Variants in LYPD6B observed in about 807,000 individuals in gnomAD.
LYPD6B encodes the protein LY6/PLAUR domain containing 6B.
In LYPD6B, 17 loss-of-function variants were observed where a neutral mutation model predicts 22.8. The ratio of observed to expected loss-of-function variants is 0.75; its 90% CI spans 0.51 to 1.12. The LOEUF (loss-of-function observed/expected upper bound fraction) is 1.12. Among genes scored for constraint, LYPD6B ranks in the 50% most tolerant of loss-of-function variants. LYPD6B has a pLI of 0.00. For missense variants in LYPD6B, 221 were observed against 258.3 expected (o/e 0.86, Z 0.99); for synonymous variants, 106 against 91.6 (o/e 1.16, Z -0.90).
At chr2:149,078,880 T>C (rs1684994586) in intron 1 of LYPD6B, among the ~76,000 whole-genome samples, 2 of 152,028 alleles carry the variant, frequency 1.3e-5, no homozygotes, top group African/African-American at 4.8e-5. Flanking sequence ...TGGTAGCTTG[T>C]GTCTGTAGTC....
chr2:149,178,465 A>G (rs748506149), intron 3 of LYPD6B, among the ~76,000 whole-genome samples: 4 of 152,018 alleles, frequency 2.6e-5, no homozygotes, highest in African/African-American at 7.2e-5. Context: ...CTACCTGAAC[A>G]TTCTGTCCTT....
intron 2 of LYPD6B, among the ~76,000 whole-genome samples, chr2:149,155,060 C>G (rs1279474493): frequency 6.6e-6 from 1 of 152,136 alleles, no homozygotes; most frequent in Non-Finnish European, 1.5e-5. Context: ...GATTCTGTTA[C>G]AAAGTCACTC....
chr2:149,192,990 T>C (rs1692591712), intron 3 of LYPD6B, among the ~76,000 whole-genome samples: 1 of 152,068 alleles, frequency 6.6e-6, no homozygotes, highest in Non-Finnish European at 1.5e-5. Flanking sequence ...TCTGGAGTGA[T>C]TATTACCCAC....
chr2:149,172,218 G>T (rs1199236491), intron 3 of LYPD6B, among the ~76,000 whole-genome samples: 57 of 152,204 alleles, frequency 3.7e-4, no homozygotes, highest in Non-Finnish European at 5.9e-5. Context: ...GACCGTATGA[G>T]AATTCACTCA....
rs369363390 is a variant in LYPD6B, at chr2:149,124,683, A to G, written c.-66-6200A>G. On this transcript the variant is annotated intron_variant, in intron 1 of 6. Transcript: ENST00000409642. ...CCCATGAAAATATTAGATAGTTCAT[A>G]AATAATTTGGAACTGGCACTTAAAT... Among the ~76,000 whole-genome samples the G allele has an allele frequency of 3.3e-5, 5 of 152,328 alleles. No individual in the cohort carries two copies. In the South Asian group the frequency reaches 1.0e-3, roughly 32 times the overall value.
chr2:149,077,431 T>G (rs552106816), intron 1 of LYPD6B: 1 of 151,882 alleles, frequency 6.6e-6, no homozygotes, highest in East Asian at 1.9e-4. Context: ...TTTTTATACA[T>G]TTTGATTTTT....
intron 3 of LYPD6B, among the ~76,000 whole-genome samples, chr2:149,171,983 G>A (rs77018726): frequency 0.014 from 2,064 of 151,976 alleles, 53 homozygotes; most frequent in African/African-American, 0.047. Context: ...CTCATTTTCC[G>A]TATGCCTCTG....
intron 1 of LYPD6B, among the ~76,000 whole-genome samples, chr2:149,062,347 T>C (rs1013858279): frequency 1.3e-5 from 2 of 152,214 alleles, no homozygotes; most frequent in African/African-American, 4.8e-5. Context: ...AGCAGTGTGA[T>C]TGGCATCTAG....
intron 1 of LYPD6B, among the ~76,000 whole-genome samples, chr2:149,054,899 G>A (rs755973165): frequency 7.9e-5 from 12 of 151,440 alleles, no homozygotes; most frequent in Non-Finnish European, 1.5e-4. Flanking sequence ...AAAGTTTTTA[G>A]TTTCGATGAA....
intron 3 of LYPD6B, among the ~76,000 whole-genome samples, chr2:149,169,040 A>G (rs1468777659): frequency 1.3e-5 from 2 of 152,214 alleles, no homozygotes; most frequent in Non-Finnish European, 2.9e-5. Flanking sequence ...ATTAAACTGT[A>G]TTTTAACATA....
chr2:149,119,117 C>T (rs1687151950), intron 1 of LYPD6B: 1 of 152,176 alleles, frequency 6.6e-6, no homozygotes, highest in African/African-American at 2.4e-5. Context: ...TCGCGGAACA[C>T]CTGCCCATTA....
intron 1 of LYPD6B, among the ~76,000 whole-genome samples, chr2:149,130,666 T>C (rs1162737951): frequency 6.6e-6 from 1 of 152,150 alleles, no homozygotes; most frequent in Non-Finnish European, 1.5e-5. Flanking sequence ...ATCCATTCCA[T>C]CTATGTCCTG....
At chr2:149,192,920 CT>C (rs1391834849) in intron 3 of LYPD6B, among the ~76,000 whole-genome samples, 1 of 151,958 alleles carries the variant, frequency 6.6e-6, no homozygotes, top group Non-Finnish European at 1.5e-5. Context: ...CTCTGGGGGG[CT>C]TTTGGGGAGT....
chr2:149,207,371 T>C (rs1012798014), intron 4 of LYPD6B, among the ~76,000 whole-genome samples: 1 of 152,134 alleles, frequency 6.6e-6, no homozygotes, highest in Admixed American at 6.5e-5. Context: ...GTGTTACTAA[T>C]AGAATGAAGA....
chr2:149,042,186 A>G (rs1683116279), intron 1 of LYPD6B, among the ~76,000 whole-genome samples: 1 of 152,220 alleles, frequency 6.6e-6, no homozygotes, highest in Admixed American at 6.5e-5. Flanking sequence ...AATTCTCCTG[A>G]TGCTAAGTCC....
intron 2 of LYPD6B, among the ~76,000 whole-genome samples, chr2:149,134,755 G>A (rs955984631): frequency 1.5e-4 from 23 of 152,190 alleles, no homozygotes; most frequent in African/African-American, 5.1e-4. Flanking sequence ...CTGAGACCAC[G>A]TAGTCAATCT....
At chr2:149,187,556 GAAC>G in intron 3 of LYPD6B, 1 of 1,444,120 alleles carries the variant, frequency 6.9e-7, no homozygotes, top group Non-Finnish European at 9.1e-7. Flanking sequence ...CAACGTCAAT[GAAC>G]AACATGAAGC....
At chr2:149,205,558 G>A (rs943512248) in intron 4 of LYPD6B, among the ~76,000 whole-genome samples, 154 bp downstream of exon 4, 1 of 152,164 alleles carries the variant, frequency 6.6e-6, no homozygotes, top group Non-Finnish European at 1.5e-5. Context: ...CTATGGGTAA[G>A]CATATGGTAA....
rs757694086 is a variant in LYPD6B at position 149,208,339 on chromosome 2, G to T, written c.255G>T (p.Lys85Asn). 1.5e-5 allele frequency: 25 copies of T among 1,613,514 alleles called. No homozygotes were observed. Among genetic ancestry groups the T allele is most frequent in the Non-Finnish European group, 1.9e-5 (23 of 1,179,652 alleles). Residue 85 changes from lysine to asparagine, a missense_variant, in exon 5 of 7, where the codon AAG becomes AAT. Transcript: ENST00000409642. ...CTACACCATTTCCAAATAGCTTCAA[G>T]TGCTTTACTTGTGAAAACGCAGGGG... ...LDPTPFPNSF[K>N]CFTCENAGDN...
Sources: allele counts gnomAD v4.1 joint callset (sites outside exome capture counted in the v4.1 genomes callset), GRCh38; gene constraint gnomAD v4.1.1; transcripts MANE v1.5; gene names NCBI Gene and HGNC (gene_info 2026-07-23, HGNC 2026-07-21).